CEMIP: variants seen among roughly 807,000 people sequenced by gnomAD.
CEMIP encodes the protein cell migration inducing hyaluronidase 1.
CEMIP carries 105 observed loss-of-function variants against 156.9 expected under a neutral mutation model. The ratio of observed to expected loss-of-function variants is 0.67; its 90% CI spans 0.57 to 0.79. CEMIP has a LOEUF of 0.79. CEMIP is among the 30% of genes least tolerant of loss of function. The probability of loss-of-function intolerance (pLI) is 0.00; values close to 1 mark genes in which losing one functional copy is unlikely to be tolerated. For missense variants in CEMIP, 1,457 were observed against 1,769.4 expected (o/e 0.82, Z 3.17); for synonymous variants, 676 against 668.4 (o/e 1.01, Z -0.17).
chr15:80,845,989 C>T (rs945697794), intron 1 of CEMIP, among the ~76,000 whole-genome samples: 3 of 152,154 alleles, frequency 2.0e-5, no homozygotes, highest in Non-Finnish European at 4.4e-5. Context: ...GCACGCATGC[C>T]CTCTGCTACA....
chr15:80,904,753 C>T (rs1899722256), intron 12 of CEMIP, among the ~76,000 whole-genome samples: 1 of 152,134 alleles, frequency 6.6e-6, no homozygotes, highest in Non-Finnish European at 1.5e-5. Context: ...CTGGAGCCTC[C>T]ATGAGGAACC....
intron 12 of CEMIP, among the ~76,000 whole-genome samples, chr15:80,905,930 G>A (rs72740128): frequency 0.077 from 11,793 of 152,168 alleles, 523 homozygotes; most frequent in Non-Finnish European, 0.1. Context: ...ACTGCTCCAC[G>A]TGGTACCATG....
intron 1 of CEMIP, among the ~76,000 whole-genome samples, chr15:80,801,011 G>T (rs990385262): frequency 8.5e-5 from 13 of 152,266 alleles, no homozygotes; most frequent in African/African-American, 3.1e-4. Flanking sequence ...GATTGTTATG[G>T]TCCTGTTGAT....
At chr15:80,921,935 C>A in intron 16 of CEMIP, 74 bp from the exon 17 acceptor site, 1 of 1,603,876 alleles carries the variant, frequency 6.2e-7, no homozygotes, top group Non-Finnish European at 8.5e-7. Flanking sequence ...CCGGCGTGGG[C>A]CGCGTGGCCA....
chr15:80,782,776 T>G (rs1895831104), intron 1 of CEMIP, among the ~76,000 whole-genome samples: 1 of 152,222 alleles, frequency 6.6e-6, no homozygotes, highest in African/African-American at 2.4e-5. Flanking sequence ...CTACAGATGC[T>G]CAGAATCTTT....
intron 12 of CEMIP, among the ~76,000 whole-genome samples, chr15:80,905,300 A>G (rs1233745501): frequency 6.6e-6 from 1 of 152,234 alleles, no homozygotes; most frequent in Non-Finnish European, 1.5e-5. Context: ...CTGTAATTGT[A>G]TCCTCAAATG....
intron 5 of CEMIP, 142 bp downstream of exon 5, chr15:80,879,996 A>G (rs968040567): frequency 1.1e-6 from 1 of 941,484 alleles, no homozygotes; most frequent in African/African-American, 1.6e-5. Flanking sequence ...GATCATGAAC[A>G]AGACAGACAT....
In CEMIP at chr15:80,931,926, A is replaced by G; in HGVS notation, c.2680A>G (p.Lys894Glu). 6.2e-7 allele frequency: 1 copy of G among 1,614,222 alleles called. No individual in the cohort carries two copies. Among genetic ancestry groups the G allele is most frequent in the Non-Finnish European group, 8.5e-7 (1 of 1,180,036 alleles). The change falls in exon 22 of 30, where the codon AAG becomes GAG. Residue 894 changes from lysine (K) to glutamate (E), a missense_variant. Around this residue, in one of 5 missense-constraint regions of CEMIP, gnomAD observed 798 missense variants for 980.1 expected, o/e 0.81. Coordinates refer to ENST00000394685, the MANE Select transcript of CEMIP (RefSeq NM_001293298.2). ...CAACATCCAAAACTGCACTTTCCGA[A>G]AGTTTGTGGCCCTGGAGGGCCGGCA... ...PINIQNCTFRKFVALEGRHTS... is the reference protein window; with the variant it reads ...PINIQNCTFREFVALEGRHTS...
chr15:80,853,117 G>A (rs984830461), intron 1 of CEMIP, among the ~76,000 whole-genome samples: 17 of 152,314 alleles, frequency 1.1e-4, no homozygotes, highest in Admixed American at 2.0e-4. Flanking sequence ...GCAGAAAAGT[G>A]TTTGTTGTGG....
intron 14 of CEMIP, among the ~76,000 whole-genome samples, chr15:80,910,262 A>G (rs1274960862): frequency 6.6e-6 from 1 of 152,228 alleles, no homozygotes; most frequent in Non-Finnish European, 1.5e-5. Context: ...CCTGCATGGC[A>G]ACAATGGCTT....
chr15:80,914,076 G>A (rs577530884), intron 14 of CEMIP, among the ~76,000 whole-genome samples: 4 of 114,900 alleles, frequency 3.5e-5, no homozygotes, highest in African/African-American at 1.1e-4. Context: ...GGTGCAGTCT[G>A]CCTTCAAAGG....
At chr15:80,894,415 G>A (rs1014957546) in intron 10 of CEMIP, among the ~76,000 whole-genome samples, 14 of 152,164 alleles carry the variant, frequency 9.2e-5, no homozygotes, top group African/African-American at 3.1e-4. Flanking sequence ...AAGATGAAAT[G>A]AGATAATATA....
chr15:80,856,626 C>T (rs11637685), intron 1 of CEMIP, among the ~76,000 whole-genome samples: 14,358 of 152,208 alleles, frequency 0.094, 1,182 homozygotes, highest in East Asian at 0.46. Flanking sequence ...TGAGATTATG[C>T]AGTCAGGAAC....
rs1898420257 is a variant in CEMIP at position 80,874,951 on chromosome 15, A to G, written c.94+978A>G. 2.6e-5 allele frequency among the ~76,000 whole-genome samples: 4 copies of G among 151,874 alleles called. No individual in the cohort carries two copies. In the South Asian group the frequency reaches 8.3e-4, roughly 32 times the overall value. On this transcript the variant is annotated intron_variant, in intron 3 of 29. Transcript: ENST00000394685. ...CCATTGATAGAAGAGAATAATTGAT[A>G]ACTAGTGAAATTCCTTCACTGTGAT...
chr15:80,848,953 A>ATTTTTTT (rs764417438), intron 1 of CEMIP, among the ~76,000 whole-genome samples: 4 of 72,504 alleles, frequency 5.5e-5, no homozygotes, highest in African/African-American at 1.3e-4. Context: ...CTCTTTAGAA[A>ATTTTTTT]TTTTTTTTTT....
chr15:80,833,488 T>A (rs577350578), intron 1 of CEMIP, among the ~76,000 whole-genome samples: 1 of 152,248 alleles, frequency 6.6e-6, no homozygotes, highest in South Asian at 2.1e-4. Flanking sequence ...TCCAAAGGAA[T>A]CAGGTTATAT....
chr15:80,931,004 G>A (rs1168911524), intron 21 of CEMIP, among the ~76,000 whole-genome samples: 1 of 152,144 alleles, frequency 6.6e-6, no homozygotes, highest in African/African-American at 2.4e-5. Context: ...TGCTTCCTGT[G>A]CTCTGCTCAG....
At chr15:80,887,582 A>AG in intron 7 of CEMIP, 112 bp from the exon 8 acceptor site, 1 of 769,012 alleles carries the variant, frequency 1.3e-6, no homozygotes. Context: ...AACAGCAGGG[A>AG]GGGACCCTCC....
chr15:80,809,352 A>G (rs1453781829), intron 1 of CEMIP, among the ~76,000 whole-genome samples: 1 of 152,248 alleles, frequency 6.6e-6, no homozygotes, highest in Non-Finnish European at 1.5e-5. Context: ...GTTTATTTAT[A>G]TGGGAAAATG....
Sources: gnomAD v4.1 joint callset for allele counts (sites outside exome capture counted in the v4.1 genomes callset) on GRCh38, gnomAD v4.1.1 for gene constraint, gnomAD v4.1.1 regional missense constraint, MANE v1.5 for transcripts, NCBI Gene and HGNC (gene_info 2026-07-23, HGNC 2026-07-21) for gene names.